The following ESRRG variants were observed in gnomAD, a reference collection of about 807,000 sequenced individuals.
The protein encoded by ESRRG is estrogen-related receptor gamma.
ESRRG carries 13 observed loss-of-function variants against 44.0 expected under a neutral mutation model. The ratio of observed to expected loss-of-function variants is 0.30; its 90% confidence interval spans 0.19 to 0.47. The LOEUF (loss-of-function observed/expected upper bound fraction) is 0.47, where lower values mean the gene tolerates loss of function less well. Ranked by LOEUF, ESRRG falls within the 20% of genes least tolerant of loss-of-function variation. ESRRG has a pLI of 1.00. For synonymous variants in ESRRG, 215 were observed against 214.6 expected (o/e 1.00, Z -0.02); for missense variants, 395 against 580.6 (o/e 0.68, Z 3.29).
At chr1:216,865,904 A>G (rs2149149817) in intron 2 of ESRRG, among the ~76,000 whole-genome samples, 1 of 152,310 alleles carries the variant, frequency 6.6e-6, no homozygotes, top group East Asian at 1.9e-4. Context: ...ATATTGTACA[A>G]GTTCCAGAGT....
intron 2 of ESRRG, among the ~76,000 whole-genome samples, chr1:216,819,074 A>C (rs1357947164): frequency 1.3e-5 from 2 of 152,210 alleles, no homozygotes; most frequent in Non-Finnish European, 2.9e-5. Flanking sequence ...CAGTGGACAT[A>C]CGTGTACATA....
chr1:216,870,387 G>A (rs866648128), intron 2 of ESRRG, among the ~76,000 whole-genome samples: 1 of 151,314 alleles, frequency 6.6e-6, no homozygotes, highest in Non-Finnish European at 1.5e-5. Flanking sequence ...TGATTTGCTA[G>A]TATTTTATTG....
At chr1:217,100,870 C>T (rs1420639612) in intron 1 of ESRRG, among the ~76,000 whole-genome samples, 1 of 152,204 alleles carries the variant, frequency 6.6e-6, no homozygotes, top group Non-Finnish European at 1.5e-5. Context: ...AAACACCTCC[C>T]ACCTTGGGGA....
Position 216,793,530 on chromosome 1 carries a change from G to T in ESRRG, c.-13-116039C>A, listed in dbSNP as rs1462367763. On this transcript the variant is annotated intron_variant, in intron 2 of 7. Transcript: ENST00000359162. ...TACAGCCACATGAGGGAGCCTGGAA[G>T]TGGATTCCCCTGCCCTGTCATATCT... Among the ~76,000 whole-genome samples, 4 of 152,256 alleles carry T rather than the reference G, an allele frequency of 2.6e-5. No homozygotes were observed. The East Asian group carries it at 7.8e-4, about 30-fold the overall frequency.
rs1489625713 is a variant in ESRRG at position 216,912,225 on chromosome 1, G to A, written c.-14+27357C>T. Among the ~76,000 whole-genome samples, 66 of 67,800 alleles carry A rather than the reference G, an allele frequency of 9.7e-4. 10 individuals are homozygous for A. In the East Asian group the frequency reaches 0.02, roughly 20 times the overall value. The allele number at this position is 67,800 out of a possible 152,430, so 44.5% of individuals were successfully genotyped here. ...GGAGAGGAGAGGAGAGGAGAGGAGA[G>A]GAGAGGAGAGGAGAGGAGAGGAGAG... On this transcript the variant is annotated intron_variant, in intron 2 of 7. Coordinates refer to the ESRRG transcript ENST00000359162.
intron 3 of ESRRG, among the ~76,000 whole-genome samples, chr1:216,587,404 C>A (rs1441568551): frequency 6.6e-6 from 1 of 152,046 alleles, no homozygotes; most frequent in Non-Finnish European, 1.5e-5. Context: ...AGATCTGAAA[C>A]CGGGTTTCAT....
At chr1:217,114,657 C>T (rs2092699241) in intron 1 of ESRRG, among the ~76,000 whole-genome samples, 1 of 145,542 alleles carries the variant, frequency 6.9e-6, no homozygotes, top group Admixed American at 7.1e-5. Flanking sequence ...CATGGAGGTC[C>T]AAAAGATTTC....
intron 5 of ESRRG, among the ~76,000 whole-genome samples, chr1:216,544,187 T>C (rs1048173137): frequency 6.6e-6 from 1 of 152,010 alleles, no homozygotes; most frequent in African/African-American, 2.4e-5. Context: ...ATGATAATCA[T>C]TGTCATTATT....
intron 3 of ESRRG, among the ~76,000 whole-genome samples, chr1:216,640,293 G>A (rs1018567659): frequency 1.3e-5 from 2 of 152,112 alleles, no homozygotes; most frequent in Non-Finnish European, 2.9e-5. Flanking sequence ...GCTAGCACCG[G>A]GCACCTCAGA....
At chr1:216,783,817 G>C (rs374243477) in intron 2 of ESRRG, among the ~76,000 whole-genome samples, 1 of 151,964 alleles carries the variant, frequency 6.6e-6, no homozygotes, top group East Asian at 1.9e-4. Flanking sequence ...CTCTTCCGAC[G>C]TTTTCAAGGC....
chr1:216,801,714 AC>A (rs1372035571), intron 2 of ESRRG, among the ~76,000 whole-genome samples: 1 of 152,056 alleles, frequency 6.6e-6, no homozygotes, highest in Non-Finnish European at 1.5e-5. Context: ...CTTTTCATAT[AC>A]CTATTGGTCA....
At chr1:217,054,945 A>G (rs1483271233) in intron 1 of ESRRG, among the ~76,000 whole-genome samples, 5 of 152,156 alleles carry the variant, frequency 3.3e-5, no homozygotes, top group African/African-American at 1.2e-4. Flanking sequence ...TAGCACATTA[A>G]TGGGGGCCTA....
At position 216,732,851 on chromosome 1, in the gene ESRRG, G is replaced by C. The variant is rs201761281; in HGVS notation, c.-13-55360C>G. On this transcript the variant is annotated intron_variant, in intron 2 of 7. Coordinates refer to the ESRRG transcript ENST00000359162. Reference sequence around the variant, plus strand: ...CATCTCTAAAATTAAAAAAAAAAAGGGGGGGGAGGAGGGGGACTCTTGTGG... The same window carrying C: ...CATCTCTAAAATTAAAAAAAAAAAGCGGGGGGAGGAGGGGGACTCTTGTGG... Among the ~76,000 whole-genome samples the C allele has an allele frequency of 1.4e-3, 205 of 147,198 alleles. 6 individuals carry two copies. Among genetic ancestry groups the C allele is most frequent in the Non-Finnish European group, 7.2e-4 (48 of 66,594 alleles).
At chr1:216,768,492 A>ATCTATCTG (rs1553593271) in intron 2 of ESRRG, among the ~76,000 whole-genome samples, 53 of 132,870 alleles carry the variant, frequency 4.0e-4, no homozygotes, top group African/African-American at 1.3e-3. Flanking sequence ...CTATCTATCT[A>ATCTATCTG]TCTATCTATA....
chr1:217,006,425 T>G (rs1430251942), intron 1 of ESRRG, among the ~76,000 whole-genome samples: 2 of 152,120 alleles, frequency 1.3e-5, no homozygotes, highest in Non-Finnish European at 2.9e-5. Context: ...TACTACAATA[T>G]ACATATAACT....
At chr1:217,131,380 AT>A (rs201705593) in intron 1 of ESRRG, among the ~76,000 whole-genome samples, 2,353 of 152,340 alleles carry the variant, frequency 0.015, 65 homozygotes, top group African/African-American at 0.053. Context: ...AGTTAAAAAA[AT>A]ATCTTCACTT....
chr1:216,603,945 C>CA (rs144012100), intron 3 of ESRRG, among the ~76,000 whole-genome samples: 116 of 127,352 alleles, frequency 9.1e-4, no homozygotes, highest in East Asian at 3.3e-3. Context: ...AACAAAAAAA[C>CA]AAAAAAAAAA....
At chr1:216,845,936 C>T (rs1285862084) in intron 2 of ESRRG, among the ~76,000 whole-genome samples, 1 of 152,142 alleles carries the variant, frequency 6.6e-6, no homozygotes, top group East Asian at 1.9e-4. Context: ...AGCTGCGTTT[C>T]TATTGCACCA....
At chr1:216,755,943 T>C (rs1412885886) in intron 2 of ESRRG, among the ~76,000 whole-genome samples, 1 of 152,046 alleles carries the variant, frequency 6.6e-6, no homozygotes, top group Non-Finnish European at 1.5e-5. Context: ...TGCCTGACCC[T>C]GGCCCCCCTG....
Sources: allele counts gnomAD v4.1 joint callset (sites outside exome capture counted in the v4.1 genomes callset), GRCh38; gene constraint gnomAD v4.1.1; transcripts MANE v1.5; gene names NCBI Gene and HGNC (gene_info 2026-07-23, HGNC 2026-07-21).